Variants in SLC20A2 observed in about 807,000 individuals in gnomAD.
SLC20A2 encodes sodium-dependent phosphate transporter 2.
A neutral mutation model predicts 61.0 loss-of-function variants in SLC20A2; 30 were observed. That is an observed-to-expected ratio of 0.49 (90% CI 0.37 to 0.67). The LOEUF (loss-of-function observed/expected upper bound fraction) is 0.67. Ranked by LOEUF, SLC20A2 falls within the 30% of genes least tolerant of loss-of-function variation. The probability of loss-of-function intolerance (pLI) is 0.00; values close to 1 mark genes in which losing one functional copy is unlikely to be tolerated. For synonymous variants in SLC20A2, 351 were observed against 353.3 expected (o/e 0.99, Z 0.07); for missense variants, 626 against 866.4 (o/e 0.72, Z 3.48).
At chr8:42,524,586 G>A (rs1328276510) in intron 1 of SLC20A2, among the ~76,000 whole-genome samples, 2 of 152,080 alleles carry the variant, frequency 1.3e-5, no homozygotes, top group Non-Finnish European at 2.9e-5. Context: ...AGGAGTTCGA[G>A]ACCAGCCTTG....
intron 10 of SLC20A2, among the ~76,000 whole-genome samples, chr8:42,425,985 G>C (rs1803385341): frequency 6.6e-6 from 1 of 152,024 alleles, no homozygotes; most frequent in Non-Finnish European, 1.5e-5. Flanking sequence ...GCAGTGAGTG[G>C]AGATGGCGCC....
At chr8:42,467,162 T>C (rs1317895002) in intron 2 of SLC20A2, among the ~76,000 whole-genome samples, 4 of 152,118 alleles carry the variant, frequency 2.6e-5, no homozygotes, top group East Asian at 3.9e-4. Flanking sequence ...GAAATAACTA[T>C]GATATTTAAC....
Position 42,437,166 on chromosome 8 carries a change from T to C in SLC20A2, c.1346A>G (p.Glu449Gly). 6.2e-7 allele frequency: 1 copy of C among 1,613,580 alleles called. No individual in the cohort carries two copies. Among genetic ancestry groups the C allele is most frequent in the Non-Finnish European group, 8.5e-7 (1 of 1,180,020 alleles). ...CGCCAGCTTCATCTCCACGCCGCCC[T>C]CCTCCGCCTCGATCTCCGCCTCTGC... ...AVAEAEIEAE[E>G]GGVEMKLASE... The change falls in exon 8 of 11, where the codon GAG (glutamate) becomes GGG (glycine). Residue 449 changes from glutamate (E) to glycine (G), a missense_variant. Around this residue, in one of 3 missense-constraint regions of SLC20A2, gnomAD observed 361 missense variants for 422.3 expected, o/e 0.85. Coordinates refer to ENST00000520262, the MANE Select transcript of SLC20A2 (RefSeq NM_001257180.2). The surrounding 1 kb of genome is among the most constrained non-coding windows in gnomAD (Gnocchi z 6.4).
At position 42,498,519 on chromosome 8, in the gene SLC20A2, T is replaced by C. The variant is rs141361972; in HGVS notation, c.-265+2512A>G. 4.6e-3 allele frequency among the ~76,000 whole-genome samples: 704 copies of C among 152,302 alleles called. 22 individuals carry two copies. Among genetic ancestry groups the C allele is most frequent in the Admixed American group, 0.044 (668 of 15,296 alleles). ...TTCTGTGTCCTGCCTTGTTGTAGCA[T>C]GTGGGTTGGAACTATGCTTTCCTTG... On this transcript the variant is annotated intron_variant, in intron 1 of 10. Transcript: ENST00000520262.
rs1343250770 is a variant in SLC20A2, at chr8:42,416,859, T to C, written c.*944A>G. 6.5e-6 allele frequency: 1 copy of C among 152,734 alleles called. No homozygotes were observed. The highest frequency in any genetic ancestry group is 2.4e-5 in the African/African-American group (1 of 41,464). 9.5% of individuals were successfully genotyped at this position (152,734 alleles called of 1,614,324 possible). ...ATAGAAACTGACTCTGGACTTGACA[T>C]GTAGTGCTCAGCCACACGCCCTCAC... On this transcript the variant is annotated 3_prime_UTR_variant, in exon 11 of 11. Transcript: ENST00000520262.
At chr8:42,430,888 G>A (rs966756672) in intron 8 of SLC20A2, among the ~76,000 whole-genome samples, 6 of 152,162 alleles carry the variant, frequency 3.9e-5, no homozygotes, top group African/African-American at 1.4e-4. Context: ...GCCATGAACT[G>A]TTCCCATATG....
chr8:42,516,861 A>T (rs1811348615), intron 1 of SLC20A2, among the ~76,000 whole-genome samples: 1 of 152,156 alleles, frequency 6.6e-6, no homozygotes, highest in African/African-American at 2.4e-5. Context: ...AACAGACTCG[A>T]TGTAATCTAG....
At chr8:42,430,309 C>T in intron 8 of SLC20A2, 60 bp from the exon 9 acceptor site, 2 of 1,405,200 alleles carry the variant, frequency 1.4e-6, no homozygotes, top group Non-Finnish European at 1.9e-6. Flanking sequence ...GTACATGATA[C>T]AGGTGACTTT....
intron 1 of SLC20A2, among the ~76,000 whole-genome samples, chr8:42,488,165 CTG>C (rs1320893051): frequency 6.9e-6 from 1 of 144,834 alleles, no homozygotes; most frequent in Non-Finnish European, 1.5e-5. Flanking sequence ...CTTTTAGCGA[CTG>C]TGAATAATAC....
chr8:42,464,090 A>ATTTTTTTTTTTTT (rs1563488008), intron 3 of SLC20A2, among the ~76,000 whole-genome samples: 3 of 19,994 alleles, frequency 1.5e-4, no homozygotes, highest in South Asian at 2.8e-3. Context: ...AGGCTGGATG[A>ATTTTTTTTTTTTT]TCTTTTTTTT....
intron 2 of SLC20A2, among the ~76,000 whole-genome samples, chr8:42,466,274 T>G (rs1180708241): frequency 2.0e-5 from 3 of 152,144 alleles, no homozygotes; most frequent in African/African-American, 7.2e-5. Flanking sequence ...TTAGTAAAGA[T>G]GGGGTCTCAC....
intron 1 of SLC20A2, among the ~76,000 whole-genome samples, chr8:42,525,838 A>T (rs1811898687): frequency 6.6e-6 from 1 of 152,228 alleles, no homozygotes; most frequent in Non-Finnish European, 1.5e-5. Flanking sequence ...GGGCACAGGA[A>T]CCAACTGAAA....
rs990011780 is a variant in SLC20A2, at chr8:42,463,076, T to A, written c.445A>T (p.Ile149Leu). The A allele has an allele frequency of 6.3e-7, 1 of 1,588,734 alleles. No homozygotes were observed. The highest frequency in any genetic ancestry group is 8.6e-7 in the Non-Finnish European group (1 of 1,167,510). Reference sequence around the variant, plus strand: ...ATGAAACCAGACAACAGTGGAGATATAAACCAAGAAGCAACTGAATAATTA... The same window carrying A: ...ATGAAACCAGACAACAGTGGAGATAAAAACCAAGAAGCAACTGAATAATTA... ...ELVKIVASWF[I>L]SPLLSGFMSG... The change falls in exon 4 of 11, where the codon ATA (isoleucine) becomes TTA (leucine). Residue 149 changes from isoleucine (I) to leucine (L), a missense_variant. Transcript: ENST00000520262.
rs1299921466 is a variant in SLC20A2, at chr8:42,437,903, C to T, written c.935-326G>A. Among the ~76,000 whole-genome samples, 1 of 151,790 alleles carries T rather than the reference C, an allele frequency of 6.6e-6. No individual in the cohort carries two copies. The highest frequency in any genetic ancestry group is 2.4e-5 in the African/African-American group (1 of 41,346). ...TGCTCGGATTACAAGCGTGAGCCAA[C>T]GTGCCCAGCCCCAGCCTTTCGAATA... On this transcript the variant is annotated intron_variant, in intron 7 of 10. Transcript: ENST00000520262. This position sits in a 1 kb window ranked among gnomAD's most constrained non-coding sequence, Gnocchi z 6.4.
At chr8:42,464,875 T>C (rs895099835) in intron 3 of SLC20A2, among the ~76,000 whole-genome samples, 2 of 151,992 alleles carry the variant, frequency 1.3e-5, no homozygotes, top group African/African-American at 4.8e-5. Flanking sequence ...CTCGGGAGGC[T>C]GAGGCAGGAG....
rs571590344 is a variant in SLC20A2 at position 42,478,028 on chromosome 8, G to A, written c.-264-5374C>T. On this transcript the variant is annotated intron_variant, in intron 1 of 10. Coordinates refer to ENST00000520262, the MANE Select transcript of SLC20A2 (RefSeq NM_001257180.2). ...AGCCTCCCGAGTAGCTGGGACTACA[G>A]GTGCACACCACCACACCCAGCTAAT... is the stretch of plus-strand genomic sequence containing the variant. 6.6e-5 allele frequency among the ~76,000 whole-genome samples: 10 copies of A among 151,714 alleles called. No individual in the cohort carries two copies. In the South Asian group the frequency reaches 1.0e-3, roughly 16 times the overall value.
chr8:42,432,291 G>A (rs1803929960), intron 8 of SLC20A2, among the ~76,000 whole-genome samples: 1 of 152,230 alleles, frequency 6.6e-6, no homozygotes, highest in Non-Finnish European at 1.5e-5. Flanking sequence ...GGAAGCCACT[G>A]CAGATGTGGT....
chr8:42,448,723 G>C (rs117259794), intron 5 of SLC20A2, among the ~76,000 whole-genome samples: 4,236 of 152,242 alleles, frequency 0.028, 80 homozygotes, highest in Non-Finnish European at 0.041. Flanking sequence ...AGGGTAACAC[G>C]TCACGGAGGA....
chr8:42,533,561 T>G (rs1261149803), intron 1 of SLC20A2, among the ~76,000 whole-genome samples: 2 of 151,262 alleles, frequency 1.3e-5, no homozygotes, highest in Non-Finnish European at 2.9e-5. Context: ...GGTTACAGAG[T>G]AGGTTTATAT....
Sources: allele counts gnomAD v4.1 joint callset (sites outside exome capture counted in the v4.1 genomes callset), GRCh38; gene constraint gnomAD v4.1.1; regional missense constraint gnomAD v4.1.1; non-coding constraint Gnocchi (gnomAD v3.1); transcripts MANE v1.5; gene names NCBI Gene and HGNC (gene_info 2026-07-23, HGNC 2026-07-21).